Variants in PIK3CB observed in about 807,000 individuals in gnomAD.
PIK3CB encodes the protein phosphatidylinositol 4,5-bisphosphate 3-kinase catalytic subunit beta isoform.
A neutral mutation model predicts 136.8 loss-of-function variants in PIK3CB; 39 were observed. The observed-to-expected ratio is 0.29, with a 90% CI of 0.22 to 0.37. The LOEUF is 0.37. Ranked by LOEUF, PIK3CB falls within the 10% of genes least tolerant of loss-of-function variation. The probability of loss-of-function intolerance (pLI) is 1.00; values close to 1 mark genes in which losing one functional copy is unlikely to be tolerated. For synonymous variants in PIK3CB, 428 were observed against 436.6 expected, an observed-to-expected ratio of 0.98 and a Z score of 0.25; for missense variants, 868 against 1,275.4, an observed-to-expected ratio of 0.68 and a Z score of 4.87.
At chr3:138,757,052 T>C (rs1265191616) in intron 3 of PIK3CB, among the ~76,000 whole-genome samples, 1 of 152,020 alleles carries the variant, frequency 6.6e-6, no homozygotes, top group Non-Finnish European at 1.5e-5. Flanking sequence ...AACATACAAA[T>C]GACCAACAAG....
intron 12 of PIK3CB, among the ~76,000 whole-genome samples, chr3:138,703,181 T>C (rs1484874891): frequency 1.3e-5 from 2 of 152,112 alleles, no homozygotes; most frequent in Non-Finnish European, 2.9e-5. Flanking sequence ...AGGTCAAGCA[T>C]TCAAATTCAA....
At chr3:138,690,767 C>G (rs1168379977) in intron 15 of PIK3CB, among the ~76,000 whole-genome samples, 7 of 149,228 alleles carry the variant, frequency 4.7e-5, no homozygotes, top group African/African-American at 1.7e-4. Context: ...AGAAATCAAG[C>G]AGGCATGGAG....
chr3:138,707,633 C>A lies in PIK3CB; in HGVS notation c.1400-344G>T, dbSNP rs938988514. The stretch of plus-strand genomic sequence containing the variant: ...CATAGAAACTATAATCTCATCACTA[C>A]ATATGGACTTCTTAATCACATGTAA... On this transcript the variant is annotated intron_variant, in intron 10 of 23. Transcript: ENST00000674063. The A allele has an allele frequency of 5.0e-6, 4 of 796,388 alleles. No individual in the cohort carries two copies. The South Asian group carries it at 1.5e-4, about 30-fold the overall frequency. The allele number at this position is 796,388 out of a possible 1,614,324, so 49.3% of individuals were successfully genotyped here.
chr3:138,728,520 G>T (rs978171671), intron 8 of PIK3CB, among the ~76,000 whole-genome samples: 1 of 152,188 alleles, frequency 6.6e-6, no homozygotes, highest in Non-Finnish European at 1.5e-5. Context: ...GCTCACGCCT[G>T]TAATCACAGC....
intron 8 of PIK3CB, among the ~76,000 whole-genome samples, chr3:138,716,937 T>C (rs957570607): frequency 1.3e-4 from 19 of 142,390 alleles, no homozygotes; most frequent in South Asian, 2.2e-4. Flanking sequence ...GTTCACCTTG[T>C]AAACTGTGTG....
chr3:138,706,280 T>A (rs577876027), intron 11 of PIK3CB, among the ~76,000 whole-genome samples: 1 of 152,312 alleles, frequency 6.6e-6, no homozygotes, highest in Non-Finnish European at 1.5e-5. Context: ...ATAAAATATA[T>A]GACAGCTCAG....
chr3:138,674,793 C>T (rs1344651582), intron 19 of PIK3CB, among the ~76,000 whole-genome samples: 3 of 152,188 alleles, frequency 2.0e-5, no homozygotes, highest in African/African-American at 7.2e-5. Context: ...CGGTGGCTCA[C>T]ACCTGTAATC....
chr3:138,768,930 A>G (rs2108758268), intron 2 of PIK3CB, among the ~76,000 whole-genome samples: 1 of 152,228 alleles, frequency 6.6e-6, no homozygotes, highest in African/African-American at 2.4e-5. Flanking sequence ...TTGGGCCCCT[A>G]AGGAGTGTGG....
chr3:138,818,208 C>A (rs1374052213), intron 1 of PIK3CB, among the ~76,000 whole-genome samples: 1 of 152,194 alleles, frequency 6.6e-6, no homozygotes, highest in African/African-American at 2.4e-5. Context: ...GTCCTGACTT[C>A]ATGACTCCCT....
At chr3:138,815,464 A>G (rs1284209432) in intron 1 of PIK3CB, among the ~76,000 whole-genome samples, 1 of 150,992 alleles carries the variant, frequency 6.6e-6, no homozygotes, top group African/African-American at 2.4e-5. Flanking sequence ...TTAAAAAAAG[A>G]TTAGAAACAA....
At chr3:138,711,225 GAAAA>G (rs55666741) in intron 10 of PIK3CB, among the ~76,000 whole-genome samples, 45 of 145,752 alleles carry the variant, frequency 3.1e-4, no homozygotes, top group African/African-American at 8.3e-4. Flanking sequence ...AAAAAAAAAA[GAAAA>G]AAAAAACCTA....
chr3:138,808,567 G>C (rs1004425827), intron 1 of PIK3CB, among the ~76,000 whole-genome samples: 3 of 151,984 alleles, frequency 2.0e-5, no homozygotes, highest in African/African-American at 7.2e-5. Flanking sequence ...TGTAGTCCCA[G>C]CTACTCAAGA....
In PIK3CB at chr3:138,815,139, C is replaced by CAA. The variant is rs71637082; in HGVS notation, c.-121-18574_-121-18573dup. ...TGGGCAACAGAGCGAGACTCCGTCT[C>CAA]AAAAAAAAAAAAAAAAAAAAAAAAT... On this transcript the variant is annotated intron_variant, in intron 1 of 23. Transcript: ENST00000674063. Among the ~76,000 whole-genome samples the CAA allele has an allele frequency of 6.5e-3, 248 of 38,030 alleles. 3 individuals carry two copies. Among genetic ancestry groups the CAA allele is most frequent in the East Asian group, 0.015 (11 of 754 alleles). The allele number at this position is 38,030 out of a possible 152,430, so 24.9% of individuals were successfully genotyped here.
chr3:138,700,718 GAT>G (rs1488666641), intron 12 of PIK3CB, among the ~76,000 whole-genome samples: 4 of 151,490 alleles, frequency 2.6e-5, no homozygotes, highest in Non-Finnish European at 4.4e-5. Context: ...TAGATAGATA[GAT>G]AGATAGATAG....
intron 1 of PIK3CB, among the ~76,000 whole-genome samples, chr3:138,831,331 G>A (rs1242066516): frequency 2.0e-5 from 3 of 151,686 alleles, no homozygotes; most frequent in Non-Finnish European, 4.4e-5. Context: ...AGTGGCTCAC[G>A]CCTGTAATCC....
chr3:138,742,290 C>T (rs2045261456), intron 5 of PIK3CB, among the ~76,000 whole-genome samples: 1 of 152,098 alleles, frequency 6.6e-6, no homozygotes, highest in Non-Finnish European at 1.5e-5. Context: ...TTTTTAACAT[C>T]CCTTTAAAAC....
chr3:138,821,758 T>C (rs775226583), intron 1 of PIK3CB, among the ~76,000 whole-genome samples: 2 of 151,722 alleles, frequency 1.3e-5, no homozygotes, highest in African/African-American at 2.4e-5. Flanking sequence ...GCACTCCAGG[T>C]TGGGCAACAG....
chr3:138,708,489 G>C (rs2044426514), intron 10 of PIK3CB, among the ~76,000 whole-genome samples: 1 of 151,460 alleles, frequency 6.6e-6, no homozygotes, highest in Non-Finnish European at 1.5e-5. Context: ...TTGAACTCCT[G>C]AGCTCAAGAG....
chr3:138,822,499 G>A (rs1218393349), intron 1 of PIK3CB, among the ~76,000 whole-genome samples: 1 of 151,978 alleles, frequency 6.6e-6, no homozygotes, highest in African/African-American at 2.4e-5. Flanking sequence ...TCACGACACT[G>A]TACTCCAGCC....
Sources: allele counts gnomAD v4.1 joint callset (sites outside exome capture counted in the v4.1 genomes callset), GRCh38; gene constraint gnomAD v4.1.1; transcripts MANE v1.5; gene names NCBI Gene and HGNC (gene_info 2026-07-23, HGNC 2026-07-21).